MAF: variants seen among roughly 807,000 people sequenced by gnomAD.
MAF encodes transcription factor Maf.
MAF carries 10 observed loss-of-function variants against 22.0 expected under a neutral mutation model. That is an observed-to-expected ratio of 0.45 (90% confidence interval 0.28 to 0.77). The LOEUF (loss-of-function observed/expected upper bound fraction) is 0.77, where lower values mean the gene tolerates loss of function less well. Ranked by LOEUF, MAF falls within the 30% of genes least tolerant of loss-of-function variation. MAF has a pLI of 0.12. For missense variants in MAF, 544 were observed against 548.4 expected (o/e 0.99, Z 0.08); for synonymous variants, 337 against 255.8 (o/e 1.32, Z -3.03).
the MAF span, among the ~76,000 whole-genome samples, chr16:79,254,772 A>G: frequency 3.3e-5 from 5 of 152,120 alleles, no homozygotes; most frequent in South Asian, 2.1e-4. Flanking sequence ...GCTTTAGTGA[A>G]CTTGGCTGCA....
the MAF span, among the ~76,000 whole-genome samples, chr16:79,401,745 A>C: frequency 6.6e-6 from 1 of 152,164 alleles, no homozygotes; most frequent in East Asian, 1.9e-4. Context: ...AGGGAAGCAA[A>C]GCAATTAGTG....
At chr16:79,575,877 C>G in the MAF span, among the ~76,000 whole-genome samples, 1 of 152,112 alleles carries the variant, frequency 6.6e-6, no homozygotes, top group African/African-American at 2.4e-5. Context: ...CCTCTGCTTT[C>G]CTTGGAAGGC....
chr16:79,583,350 C>T (rs186505423), downstream of MAF, among the ~76,000 whole-genome samples: 2 of 152,272 alleles, frequency 1.3e-5, no homozygotes, highest in African/African-American at 4.8e-5. Context: ...ACTCCATCTG[C>T]CGATTGTAAG....
At chr16:79,401,235 T>C in the MAF span, among the ~76,000 whole-genome samples, 7,455 of 152,250 alleles carry the variant, frequency 0.049, 419 homozygotes, top group African/African-American at 0.13. Context: ...TGATTTCCTT[T>C]TTCACTCCCC....
At chr16:79,234,068 A>G in the MAF span, among the ~76,000 whole-genome samples, 1 of 151,778 alleles carries the variant, frequency 6.6e-6, no homozygotes, top group Non-Finnish European at 1.5e-5. Context: ...AAATATTTTC[A>G]GAAAGTGATC....
Position 79,598,242 on chromosome 16 carries a change from C to T in MAF, c.1118+543G>A, listed in dbSNP as rs925690420. 36 of 1,059,202 alleles carry T rather than the reference C, an allele frequency of 3.4e-5. No individual in the cohort carries two copies. The African/African-American group carries it at 5.6e-4, about 16-fold the overall frequency. The allele number at this position is 1,059,202 out of a possible 1,614,324, so 65.6% of individuals were successfully genotyped here. On this transcript the variant is annotated intron_variant, in intron 1 of 1. Coordinates refer to ENST00000326043, the MANE Select transcript of MAF (RefSeq NM_005360.5). The stretch of plus-strand genomic sequence containing the variant: ...GAGGTTGGAAAAAAGGTGGGCAACA[C>T]AGCAAGCTCTAAAAGTAAAATTAAA...
At chr16:79,232,356 C>T in the MAF span, among the ~76,000 whole-genome samples, 2 of 152,142 alleles carry the variant, frequency 1.3e-5, no homozygotes, top group African/African-American at 2.4e-5. Context: ...TTGTACTTTA[C>T]AAAATTTGCA....
At chr16:79,239,112 C>G in the MAF span, among the ~76,000 whole-genome samples, 1 of 152,032 alleles carries the variant, frequency 6.6e-6, no homozygotes, top group Non-Finnish European at 1.5e-5. Flanking sequence ...AGTCACTGTC[C>G]TAAAGGAAAG....
chr16:79,440,236 G>T, the MAF span, among the ~76,000 whole-genome samples: 5 of 152,186 alleles, frequency 3.3e-5, no homozygotes, highest in Admixed American at 3.3e-4. Context: ...CTTTGCAGCT[G>T]TCTTGGGCCC....
At chr16:79,456,089 C>A in the MAF span, among the ~76,000 whole-genome samples, 1 of 151,998 alleles carries the variant, frequency 6.6e-6, no homozygotes, top group Non-Finnish European at 1.5e-5. Context: ...GAGACAAATT[C>A]TACAGGGAAA....
the MAF span, among the ~76,000 whole-genome samples, chr16:79,226,916 T>C: frequency 6.6e-6 from 1 of 152,106 alleles, no homozygotes; most frequent in African/African-American, 2.4e-5. Flanking sequence ...GAAAGTACTC[T>C]TGAGTTGACA....
the MAF span, among the ~76,000 whole-genome samples, chr16:79,410,970 T>C: frequency 6.6e-6 from 1 of 152,144 alleles, no homozygotes; most frequent in Non-Finnish European, 1.5e-5. Context: ...TCCCTTGACT[T>C]TTCCTTAGAT....
the MAF span, among the ~76,000 whole-genome samples, chr16:79,580,379 C>T: frequency 6.6e-6 from 1 of 152,220 alleles, no homozygotes; most frequent in African/African-American, 2.4e-5. Flanking sequence ...TTCCCCCAAA[C>T]TGCACATGCT....
At chr16:79,298,630 A>G in the MAF span, among the ~76,000 whole-genome samples, 1 of 152,222 alleles carries the variant, frequency 6.6e-6, no homozygotes, top group Non-Finnish European at 1.5e-5. Flanking sequence ...CCAGCATGCA[A>G]AGACCCAGGG....
chr16:79,512,981 GCTCAA>G, the MAF span, among the ~76,000 whole-genome samples: 2 of 152,228 alleles, frequency 1.3e-5, no homozygotes, highest in Non-Finnish European at 2.9e-5. Context: ...GGTGCTGACT[GCTCAA>G]CTCATGTGAC....
chr16:79,337,147 G>A, the MAF span, among the ~76,000 whole-genome samples: 2 of 152,186 alleles, frequency 1.3e-5, no homozygotes, highest in South Asian at 2.1e-4. Context: ...TTGTTAAGAC[G>A]AGTGAGTGGG....
At chr16:79,256,612 A>T in the MAF span, among the ~76,000 whole-genome samples, 1 of 152,138 alleles carries the variant, frequency 6.6e-6, no homozygotes, top group African/African-American at 2.4e-5. Flanking sequence ...TGAGGTTTTA[A>T]CCATGGACAT....
At chr16:79,465,878 T>G in the MAF span, among the ~76,000 whole-genome samples, 1 of 152,222 alleles carries the variant, frequency 6.6e-6, no homozygotes. Flanking sequence ...GTGCCTAATA[T>G]ATGTCAGCAG....
the MAF span, among the ~76,000 whole-genome samples, chr16:79,312,761 G>A: frequency 6.6e-6 from 1 of 152,194 alleles, no homozygotes; most frequent in South Asian, 2.1e-4. Context: ...AAGAGAACAT[G>A]CCTTCCTTTA....
Sources: allele counts gnomAD v4.1 joint callset (sites outside exome capture counted in the v4.1 genomes callset), GRCh38; gene constraint gnomAD v4.1.1; transcripts MANE v1.5; gene names NCBI Gene and HGNC (gene_info 2026-07-23, HGNC 2026-07-21).